ZNF106: variants seen among roughly 807,000 people sequenced by gnomAD.
ZNF106 encodes zinc finger protein 106.
In ZNF106, 67 loss-of-function variants were observed where a neutral mutation model predicts 195.1. The ratio of observed to expected loss-of-function variants is 0.34; its 90% CI spans 0.28 to 0.42. ZNF106 has a LOEUF of 0.42. ZNF106 is among the 10% of genes least tolerant of loss of function. The pLI is 1.00. For missense variants in ZNF106, 2,118 were observed against 2,304.5 expected (o/e 0.92, Z 1.66); for synonymous variants, 784 against 818.6 (o/e 0.96, Z 0.72).
At chr15:42,466,960 C>T (rs2056532428) in intron 2 of ZNF106, among the ~76,000 whole-genome samples, 1 of 151,960 alleles carries the variant, frequency 6.6e-6, no homozygotes, top group Admixed American at 6.6e-5. Flanking sequence ...TGATGAAACC[C>T]CGTCTCTACT....
Position 42,442,223 on chromosome 15 carries a change from G to A in ZNF106, c.3613C>T (p.Pro1205Ser), listed in dbSNP as rs369599760. The A allele has an allele frequency of 1.7e-5, 27 of 1,614,188 alleles. No individual in the cohort carries two copies. The South Asian group carries it at 2.1e-4, about 12-fold the overall frequency. The change falls in exon 10 of 22, where the codon CCT becomes TCT. Residue 1205 changes from proline (P) to serine (S), a missense_variant. Coordinates refer to ENST00000564754, the MANE Select transcript of ZNF106 (RefSeq NM_001366845.3). ...TGASLQITTS[P>S]TFQTHGSVPA... ...ACACTGCCATGGGTTTGGAAAGTAG[G>A]AGACGTGGTTATTTGAAGAGAGGCT...
intron 1 of ZNF106, among the ~76,000 whole-genome samples, chr15:42,483,409 G>T (rs1474502392): frequency 6.6e-6 from 1 of 152,142 alleles, no homozygotes; most frequent in African/African-American, 2.4e-5. Context: ...GGAGTAGGAG[G>T]CCCTAGGTTT....
chr15:42,449,795 T>C lies in ZNF106; in HGVS notation c.2477A>G (p.Gln826Arg). 1.2e-6 allele frequency: 2 copies of C among 1,614,024 alleles called. No individual in the cohort carries two copies. Among genetic ancestry groups the C allele is most frequent in the Non-Finnish European group, 1.7e-6 (2 of 1,179,894 alleles). Residue 826 changes from glutamine to arginine, a missense_variant, in exon 5 of 22, where the codon CAA becomes CGA. Gln to Arg is a conservative substitution (Grantham distance 43). Coordinates refer to ENST00000564754, the MANE Select transcript of ZNF106 (RefSeq NM_001366845.3). ...CCTGGGTAAGCCTTTGCCCAGCTCT[T>C]GCTTTTTCTTGGTTACTTGCTGAAT... ...QVIQQVTKKK[Q>R]ELGKGLPRFG...
At chr15:42,417,718 C>T (rs375345015) in intron 21 of ZNF106, 87 bp downstream of exon 21, 3 of 1,432,274 alleles carry the variant, frequency 2.1e-6, no homozygotes, top group Non-Finnish European at 9.3e-7. Flanking sequence ...CTATATATGG[C>T]AATTCTCAAT....
At chr15:42,438,782 T>A in intron 11 of ZNF106, 115 bp from the exon 12 acceptor site, 1 of 977,098 alleles carries the variant, frequency 1.0e-6, no homozygotes, top group Admixed American at 2.7e-5. Flanking sequence ...AGCAATGATA[T>A]AAGAGATTAG....
At chr15:42,478,456 C>T (rs913227372) in intron 1 of ZNF106, among the ~76,000 whole-genome samples, 1 of 151,982 alleles carries the variant, frequency 6.6e-6, no homozygotes, top group African/African-American at 2.4e-5. Flanking sequence ...GCCACTGTGC[C>T]CAGCCTGATA....
In ZNF106 at chr15:42,413,899, G is replaced by A. The variant is rs551657686; in HGVS notation, c.*3405C>T. On this transcript the variant is annotated 3_prime_UTR_variant, in exon 22 of 22. Coordinates refer to ENST00000564754, the MANE Select transcript of ZNF106 (RefSeq NM_001366845.3). ...ACTGCTTTATAAACTGAGTAGAGACGTATGCCAAAATTATTTTTAACCTAA... is the reference window on the plus strand; with the variant it reads ...ACTGCTTTATAAACTGAGTAGAGACATATGCCAAAATTATTTTTAACCTAA... The A allele has an allele frequency of 4.6e-5, 7 of 152,282 alleles. No individual in the cohort carries two copies. The South Asian group carries it at 6.2e-4, about 14-fold the overall frequency. 9.4% of individuals were successfully genotyped at this position (152,282 alleles called of 1,614,324 possible).
rs750057327 is a variant in ZNF106 at position 42,414,140 on chromosome 15, C to A, written c.*3164G>T. On this transcript the variant is annotated 3_prime_UTR_variant, in exon 22 of 22. Coordinates refer to ENST00000564754, the MANE Select transcript of ZNF106 (RefSeq NM_001366845.3). ...TTTTTGTCAGGTCATTTAATGGTTT[C>A]TTTCCTTCACAAAGCCACTAAATGC... is the stretch of plus-strand genomic sequence containing the variant. 5 of 152,164 alleles carry A rather than the reference C, an allele frequency of 3.3e-5. No individual in the cohort carries two copies. Among genetic ancestry groups the A allele is most frequent in the Non-Finnish European group, 5.9e-5 (4 of 68,008 alleles). 9.4% of individuals were successfully genotyped at this position (152,164 alleles called of 1,614,324 possible).
rs1000247504 is a variant in ZNF106 at position 42,437,392 on chromosome 15, T to C, written c.4601-15A>G. ...TGAAGATATTTCTGGAAAACAAGAA[T>C]AGGTTTCAGAGACATGTCTGCTAGA... On this transcript the variant is annotated splice_polypyrimidine_tract_variant and intron_variant, in intron 12 of 21. Transcript: ENST00000564754. 1.2e-6 allele frequency: 2 copies of C among 1,612,900 alleles called. No homozygotes were observed. The highest frequency in any genetic ancestry group is 1.7e-6 in the Non-Finnish European group (2 of 1,179,652).
chr15:42,422,618 A>G lies in ZNF106; in HGVS notation c.5256T>C (p.Thr1752=). 1 of 1,605,838 alleles carries G rather than the reference A, an allele frequency of 6.2e-7. No homozygotes were observed. Among genetic ancestry groups the G allele is most frequent in the Non-Finnish European group, 8.5e-7 (1 of 1,177,612 alleles). ...CTTTATAGATCCGCACGAGCTCACC[A>G]GTCTATGTCAGAAGAGAAGTAAGAG... ...DQSVHAHNIH[T]GELVRIYKGH... Residue 1752 remains threonine (T), a splice_region_variant and synonymous_variant, in exon 18 of 22, where the codon ACT becomes ACC. Transcript: ENST00000564754.
chr15:42,467,667 G>C (rs180964744), intron 2 of ZNF106, among the ~76,000 whole-genome samples: 1 of 152,136 alleles, frequency 6.6e-6, no homozygotes, highest in African/African-American at 2.4e-5. Context: ...CCACTAACTG[G>C]GCTGGTGGTG....
intron 1 of ZNF106, among the ~76,000 whole-genome samples, chr15:42,488,938 C>T (rs952390890): frequency 2.0e-5 from 3 of 151,682 alleles, no homozygotes; most frequent in African/African-American, 7.3e-5. Flanking sequence ...GTTAGCCAGG[C>T]ATGGTGGTGG....
rs749087847 is a variant in ZNF106 at position 42,456,967 on chromosome 15, TCTTTC to T, written c.303_307del (p.Lys102ThrfsTer6). 3.7e-6 allele frequency: 6 copies of T among 1,612,804 alleles called. No homozygotes were observed. The highest frequency in any genetic ancestry group is 4.2e-6 in the Non-Finnish European group (5 of 1,179,376). On this transcript the variant is annotated frameshift_variant, in exon 4 of 22. Transcript: ENST00000564754. LOFTEE classifies it high-confidence loss of function. The stretch of plus-strand genomic sequence containing the variant: ...AAAATCAATTACTTACCGACTTTGT[TCTTTC>T]CTTTGTTTTATTAACTGAATGAGTT...
At position 42,450,736 on chromosome 15, in the gene ZNF106, G is replaced by A; in HGVS notation, c.1536C>T (p.Pro512=). Reference sequence around the variant, plus strand: ...TATCTTCCACAGTGGGCTTGTTCGAGGGATTTGAGTGTTCTCCAGGGGAAA... The same window carrying A: ...TATCTTCCACAGTGGGCTTGTTCGAAGGATTTGAGTGTTCTCCAGGGGAAA... ...NFFSPGEHSN[P]SNKPTVEDNH... The change falls in exon 5 of 22, where the codon CCC becomes CCT. Residue 512 remains proline, a synonymous_variant. Coordinates refer to ENST00000564754, the MANE Select transcript of ZNF106 (RefSeq NM_001366845.3). 1.2e-6 allele frequency: 2 copies of A among 1,614,160 alleles called. No homozygotes were observed. Among genetic ancestry groups the A allele is most frequent in the Non-Finnish European group, 1.7e-6 (2 of 1,180,032 alleles).
chr15:42,476,008 T>TA lies in ZNF106; in HGVS notation c.-32-3688dup, dbSNP rs200338642. On this transcript the variant is annotated intron_variant, in intron 1 of 21. Coordinates refer to ENST00000564754, the MANE Select transcript of ZNF106 (RefSeq NM_001366845.3). ...ACAACATCAACCCCTAGCAAATGGA[T>TA]AAAAAAAATAAAGCCATACAATATA... Among the ~76,000 whole-genome samples the TA allele has an allele frequency of 3.1e-3, 478 of 152,076 alleles. 1 individual carries two copies. Among genetic ancestry groups the TA allele is most frequent in the Middle Eastern group, 0.014 (4 of 294 alleles).
chr15:42,424,932 C>T lies in ZNF106; in HGVS notation c.5092G>A (p.Val1698Met), dbSNP rs375034200. ...AQEGARKLLV[V>M]GSYDCTISVR... is the part of the protein sequence containing the mutation. ...CTAATTGTGCAGTCATAAGACCCCA[C>T]GACCAGCAGTTTTCGGGCACCTTCC... Residue 1698 changes from valine (V) to methionine (M), a missense_variant, in exon 16 of 22, where the codon GTG becomes ATG. Transcript: ENST00000564754. The T allele has an allele frequency of 2.1e-5, 34 of 1,614,058 alleles. 1 individual carries two copies. The highest frequency in any genetic ancestry group is 1.3e-4 in the East Asian group (6 of 44,908).
intron 19 of ZNF106, among the ~76,000 whole-genome samples, chr15:42,421,554 G>A (rs989525103): frequency 1.3e-5 from 2 of 152,186 alleles, no homozygotes; most frequent in African/African-American, 2.4e-5. Flanking sequence ...AGGGTTACGT[G>A]AGTTGGTTTC....
intron 5 of ZNF106, 127 bp from the exon 6 acceptor site, chr15:42,448,832 G>C: frequency 1.1e-6 from 1 of 875,758 alleles, no homozygotes. Flanking sequence ...TTGCCTTCAA[G>C]GGGCTCACAG....
intron 4 of ZNF106, among the ~76,000 whole-genome samples, chr15:42,456,417 G>A (rs1307049630): frequency 6.6e-6 from 1 of 152,142 alleles, no homozygotes; most frequent in African/African-American, 2.4e-5. Context: ...GGGAGGCTGA[G>A]GTGGGCAGAT....
Sources: gnomAD v4.1 joint callset for allele counts (sites outside exome capture counted in the v4.1 genomes callset) on GRCh38, gnomAD v4.1.1 for gene constraint, MANE v1.5 for transcripts, NCBI Gene and HGNC (gene_info 2026-07-23, HGNC 2026-07-21) for gene names.